Variants in ABCC9 observed in about 807,000 individuals in gnomAD.
The protein encoded by ABCC9 is ATP binding cassette subfamily C member 9.
ABCC9 carries 95 observed loss-of-function variants against 188.3 expected under a neutral mutation model. That is an observed-to-expected ratio of 0.50 (90% confidence interval 0.43 to 0.60). The LOEUF (loss-of-function observed/expected upper bound fraction) is 0.60. Among genes scored for constraint, ABCC9 ranks in the 20% least tolerant of loss-of-function variants. The probability of loss-of-function intolerance (pLI) is 0.00; values close to 1 mark genes in which losing one functional copy is unlikely to be tolerated. For missense variants in ABCC9, 1,102 were observed against 1,876.3 expected, an observed-to-expected ratio of 0.59 and a Z score of 7.62; for synonymous variants, 659 against 652.7, an observed-to-expected ratio of 1.01 and a Z score of -0.15.
intron 16 of ABCC9, among the ~76,000 whole-genome samples, chr12:21,880,250 T>C (rs982756521): frequency 6.6e-6 from 1 of 152,054 alleles, no homozygotes; most frequent in Non-Finnish European, 1.5e-5. Flanking sequence ...TGATCTTATG[T>C]GTATTAAAGG....
At chr12:21,893,969 C>T (rs561616602) in intron 14 of ABCC9, 63 bp downstream of exon 14, 47 of 1,529,476 alleles carry the variant, frequency 3.1e-5, no homozygotes, top group Non-Finnish European at 4.0e-5. Flanking sequence ...TTCAAATACT[C>T]CTATTAGCAC....
chr12:21,855,129 A>T (rs1340413253), intron 22 of ABCC9, among the ~76,000 whole-genome samples: 1 of 152,172 alleles, frequency 6.6e-6, no homozygotes, highest in Non-Finnish European at 1.5e-5. Flanking sequence ...CTTCCTGGGA[A>T]TTTTTCACAG....
intron 18 of ABCC9, among the ~76,000 whole-genome samples, chr12:21,871,691 A>G (rs1946085058): frequency 6.6e-6 from 1 of 152,162 alleles, no homozygotes; most frequent in African/African-American, 2.4e-5. Context: ...GGACAAGAGA[A>G]TCCCTTGGTA....
chr12:21,807,229 C>G, intron 38 of ABCC9, 117 bp downstream of exon 38: 1 of 1,377,932 alleles, frequency 7.3e-7, no homozygotes, highest in Admixed American at 1.7e-5. Context: ...GATGATTGAG[C>G]AGATTCTCAA....
chr12:21,861,776 T>TAAA (rs1209011168), intron 20 of ABCC9, among the ~76,000 whole-genome samples: 1 of 151,996 alleles, frequency 6.6e-6, no homozygotes, highest in African/African-American at 2.4e-5. Flanking sequence ...CTTGAGAAAG[T>TAAA]AAAAAAGTTC....
chr12:21,936,313 C>T (rs932365942), intron 3 of ABCC9, among the ~76,000 whole-genome samples: 1 of 152,126 alleles, frequency 6.6e-6, no homozygotes, highest in Non-Finnish European at 1.5e-5. Flanking sequence ...GCTGCTGCTA[C>T]CTGAAGGCCA....
chr12:21,911,684 C>G (rs531027921), intron 8 of ABCC9, among the ~76,000 whole-genome samples: 3 of 152,060 alleles, frequency 2.0e-5, no homozygotes, highest in South Asian at 2.1e-4. Flanking sequence ...TGATTTAGAC[C>G]TAGTAGAATT....
rs1946299391 is a variant in ABCC9 at position 21,875,571 on chromosome 12, T to C, written c.2092+83A>G. 8 of 1,025,526 alleles carry C rather than the reference T, an allele frequency of 7.8e-6. No homozygotes were observed. In the Admixed American group the frequency reaches 1.5e-4, roughly 19 times the overall value. 63.5% of individuals were successfully genotyped at this position (1,025,526 alleles called of 1,614,324 possible). A position where few individuals can be genotyped will look rare whatever the true frequency, so the allele number is the denominator to read the frequency against. ...ATAATATTTATGTCTTTAAAAAGTATCTTTTTGTTAGGCTCAATTATCTTG... is the reference window on the plus strand; with the variant it reads ...ATAATATTTATGTCTTTAAAAAGTACCTTTTTGTTAGGCTCAATTATCTTG... On this transcript the variant is annotated intron_variant, in intron 17 of 39. Coordinates refer to ENST00000261200, the MANE Select transcript of ABCC9 (RefSeq NM_020297.4).
At chr12:21,927,835 T>C (rs1949101943) in intron 4 of ABCC9, among the ~76,000 whole-genome samples, 1 of 152,134 alleles carries the variant, frequency 6.6e-6, no homozygotes, top group Non-Finnish European at 1.5e-5. Flanking sequence ...CTCCTGTAAA[T>C]AGATCAAAAT....
chr12:21,892,323 G>A (rs960349679), intron 14 of ABCC9, among the ~76,000 whole-genome samples: 1 of 152,110 alleles, frequency 6.6e-6, no homozygotes, highest in Non-Finnish European at 1.5e-5. Flanking sequence ...GATTTCAGAG[G>A]TGTTATCTAT....
chr12:21,880,656 A>G (rs1456498763), intron 16 of ABCC9, among the ~76,000 whole-genome samples: 1 of 152,144 alleles, frequency 6.6e-6, no homozygotes, highest in Non-Finnish European at 1.5e-5. Context: ...GCAAATAAAA[A>G]CCACAGCAAG....
intron 15 of ABCC9, among the ~76,000 whole-genome samples, chr12:21,883,286 G>T (rs1283922318): frequency 6.6e-6 from 1 of 152,188 alleles, no homozygotes; most frequent in African/African-American, 2.4e-5. Flanking sequence ...TGTTGCGGGA[G>T]GGACCTAGTG....
Position 21,915,514 on chromosome 12 carries a change from A to ATATATATATATATTTTTTTTTTTTTTT in ABCC9, c.816+153_816+154insAAAAAAAAAAAAAAATATATATATATA. 1.4e-3 allele frequency among the ~76,000 whole-genome samples: 5 copies of ATATATATATATATTTTTTTTTTTTTTT among 3,522 alleles called. 2 individuals carry two copies. The highest frequency in any genetic ancestry group is 0.042 in the East Asian group (2 of 48). 2.3% of individuals were successfully genotyped at this position (3,522 alleles called of 152,430 possible). On this transcript the variant is annotated intron_variant, in intron 7 of 39. Transcript: ENST00000261200. Reference sequence around the variant, plus strand: ...TGTGTGTGTGTGTATATATATATATATTTTTTTTTTTTTTTTGAGACAGAG... The same window carrying ATATATATATATATTTTTTTTTTTTTTT: ...TGTGTGTGTGTGTATATATATATATATATATATATATATTTTTTTTTTTTTTTTTTTTTTTTTTTTTTTGAGACAGAG...
At chr12:21,900,762 G>GT (rs957380470) in intron 12 of ABCC9, among the ~76,000 whole-genome samples, 5 of 152,084 alleles carry the variant, frequency 3.3e-5, no homozygotes, top group African/African-American at 1.2e-4. Flanking sequence ...AGAAAAAAGA[G>GT]TAAAAAGAAA....
chr12:21,860,819 G>A, intron 21 of ABCC9, 152 bp downstream of exon 21: 2 of 654,482 alleles, frequency 3.1e-6, no homozygotes, highest in Non-Finnish European at 5.4e-6. Context: ...GGCATCAAAG[G>A]ACTCCCATCC....
At chr12:21,874,857 C>T (rs1946260546) in intron 17 of ABCC9, among the ~76,000 whole-genome samples, 1 of 152,072 alleles carries the variant, frequency 6.6e-6, no homozygotes, top group Non-Finnish European at 1.5e-5. Flanking sequence ...GACACTTCTT[C>T]TCACAGAAAC....
At chr12:21,933,623 A>C (rs974050996) in intron 4 of ABCC9, among the ~76,000 whole-genome samples, 159 bp downstream of exon 4, 1 of 152,152 alleles carries the variant, frequency 6.6e-6, no homozygotes, top group African/African-American at 2.4e-5. Flanking sequence ...AACATTAAAA[A>C]GTTCAAAAAG....
At position 21,799,001 on chromosome 12, in the gene ABCC9, A is replaced by G. The variant is rs1316104748; in HGVS notation, c.*2043T>C. ...TCTCAGTAAACTATCGCAAGAACAA[A>G]AAACCAAACACCGCATATTCTCACT... On this transcript the variant is annotated 3_prime_UTR_variant, in exon 40 of 40. Coordinates refer to ENST00000261200, the MANE Select transcript of ABCC9 (RefSeq NM_020297.4). 1 of 148,584 alleles carries G rather than the reference A, an allele frequency of 6.7e-6. No individual in the cohort carries two copies. The highest frequency in any genetic ancestry group is 1.5e-5 in the Non-Finnish European group (1 of 67,348). The allele number at this position is 148,584 out of a possible 1,614,324, so 9.2% of individuals were successfully genotyped here.
chr12:21,895,442 T>A, intron 12 of ABCC9, 127 bp from the exon 13 acceptor site: 1 of 815,942 alleles, frequency 1.2e-6, no homozygotes. Flanking sequence ...AATGTCATTT[T>A]GTCTGGAGTC....
Sources: gnomAD v4.1 joint callset for allele counts (sites outside exome capture counted in the v4.1 genomes callset) on GRCh38, gnomAD v4.1.1 for gene constraint, MANE v1.5 for transcripts, NCBI Gene and HGNC (gene_info 2026-07-23, HGNC 2026-07-21) for gene names.